The following WNT7B variants were observed in gnomAD, a reference collection of about 807,000 sequenced individuals.
The protein encoded by WNT7B is protein Wnt-7b.
Under a neutral mutation model 38.2 loss-of-function variants are expected in WNT7B, and 19 were observed. That is an observed-to-expected ratio of 0.50 (90% CI 0.35 to 0.73). WNT7B has a LOEUF of 0.73. WNT7B is among the 30% of genes least tolerant of loss of function. The pLI is 0.01. For missense variants in WNT7B, 423 were observed against 507.9 expected, an observed-to-expected ratio of 0.83 and a Z score of 1.61; for synonymous variants, 243 against 209.3, an observed-to-expected ratio of 1.16 and a Z score of -1.39.
chr22:45,952,899 C>T (rs1258754850), intron 1 of WNT7B, among the ~76,000 whole-genome samples: 1 of 152,238 alleles, frequency 6.6e-6, no homozygotes, highest in Non-Finnish European at 1.5e-5. Context: ...CTAGAGGCCT[C>T]ATGGGGTCTG....
At chr22:45,941,038 T>C (rs1931633289) in intron 2 of WNT7B, among the ~76,000 whole-genome samples, 2 of 152,094 alleles carry the variant, frequency 1.3e-5, no homozygotes, top group East Asian at 3.9e-4. Context: ...AGGTGTCACT[T>C]TGACTTACAT....
At chr22:45,971,254 G>A (rs1026151521) in intron 1 of WNT7B, among the ~76,000 whole-genome samples, 1 of 152,118 alleles carries the variant, frequency 6.6e-6, no homozygotes, top group Non-Finnish European at 1.5e-5. Context: ...GGAGGGGGAA[G>A]GGAAGAGAAG....
chr22:45,955,145 A>T (rs1281761636), intron 1 of WNT7B, among the ~76,000 whole-genome samples: 1 of 152,134 alleles, frequency 6.6e-6, no homozygotes, highest in Non-Finnish European at 1.5e-5. Flanking sequence ...GGCGGCTCCC[A>T]TGCAGCTGCC....
Position 45,970,570 on chromosome 22 carries a change from C to G in WNT7B, c.71+6114G>C, listed in dbSNP as rs61313351. Among the ~76,000 whole-genome samples, 580 of 152,016 alleles carry G rather than the reference C, an allele frequency of 3.8e-3. 2 individuals are homozygous for G. The highest frequency in any genetic ancestry group is 0.014 in the African/African-American group (563 of 41,430). On this transcript the variant is annotated intron_variant, in intron 1 of 3. Coordinates refer to ENST00000339464, the MANE Select transcript of WNT7B (RefSeq NM_058238.3). ...CCCACTTCCCTTGCCTCCACCTCCGCAGGACTCCTGGTCTCCCACCCCGGA... is the reference window on the plus strand; with the variant it reads ...CCCACTTCCCTTGCCTCCACCTCCGGAGGACTCCTGGTCTCCCACCCCGGA...
rs970844682 is a variant in WNT7B at position 45,920,386 on chromosome 22, T to C, written c.*2470A>G. 2.0e-5 allele frequency: 3 copies of C among 152,152 alleles called. No homozygotes were observed. Among genetic ancestry groups the C allele is most frequent in the Admixed American group, 2.0e-4 (3 of 15,274 alleles). 9.4% of individuals were successfully genotyped at this position (152,152 alleles called of 1,614,324 possible). On this transcript the variant is annotated 3_prime_UTR_variant, in exon 4 of 4. Coordinates refer to ENST00000339464, the MANE Select transcript of WNT7B (RefSeq NM_058238.3). ...CTCACTTTTCCGATTCCAGCTTTTA[T>C]TGGGCCGAGCACTCCCCTCCAGGGG...
chr22:45,925,893 A>C, intron 3 of WNT7B: 1 of 985,352 alleles, frequency 1.0e-6, no homozygotes, highest in Non-Finnish European at 1.2e-6. Flanking sequence ...CACGTGGTCT[A>C]GGCCCAAGCT....
rs746718643 is a variant in WNT7B at position 45,925,539 on chromosome 22, C to T, written c.571-2204G>A. 690 of 985,152 alleles carry T rather than the reference C, an allele frequency of 7.0e-4. 1 individual carries two copies. The highest frequency in any genetic ancestry group is 8.0e-4 in the Non-Finnish European group (665 of 829,876). 61.0% of individuals were successfully genotyped at this position (985,152 alleles called of 1,614,324 possible). ...AGCCTGGACTGCGTGTCTGGGCGAC[C>T]CCCAGAGAGTATATTGGGACCTCCT... On this transcript the variant is annotated intron_variant, in intron 3 of 3. Coordinates refer to ENST00000339464, the MANE Select transcript of WNT7B (RefSeq NM_058238.3).
intron 1 of WNT7B, among the ~76,000 whole-genome samples, chr22:45,956,687 G>A (rs985093677): frequency 1.3e-5 from 2 of 152,242 alleles, no homozygotes; most frequent in Non-Finnish European, 1.5e-5. Context: ...TAAAAAAAGT[G>A]TGGTCCATTC....
intron 2 of WNT7B, 82 bp from the exon 3 acceptor site, chr22:45,931,451 T>G: frequency 7.0e-7 from 1 of 1,434,324 alleles, no homozygotes; most frequent in Middle Eastern, 2.6e-4. Flanking sequence ...CGGGCCTCGA[T>G]CCACCTGCTG....
intron 1 of WNT7B, among the ~76,000 whole-genome samples, chr22:45,961,154 C>T (rs535301379): frequency 4.6e-5 from 7 of 152,300 alleles, no homozygotes; most frequent in East Asian, 1.9e-4. Context: ...CTGGGCGCGC[C>T]GGTGAGAAGG....
At chr22:45,972,061 G>A (rs894150475) in intron 1 of WNT7B, 1 of 505,150 alleles carries the variant, frequency 2.0e-6, no homozygotes, top group South Asian at 2.7e-5. Flanking sequence ...CCGCCCAGGG[G>A]CCTCGCTGCC....
intron 1 of WNT7B, among the ~76,000 whole-genome samples, chr22:45,950,763 C>T (rs963522252): frequency 6.6e-6 from 1 of 152,260 alleles, no homozygotes; most frequent in African/African-American, 2.4e-5. Flanking sequence ...CCCCCACCAC[C>T]CAACCAAAGG....
rs1932315416 is a variant in WNT7B, at chr22:45,966,527, G to A, written c.71+10157C>T. ...AGGGGTCATGGGATAGGACTCCAGG[G>A]GATGCTCACTCGGGCTCTTCTCCGT... On this transcript the variant is annotated intron_variant, in intron 1 of 3. Transcript: ENST00000339464. This position sits in a 1 kb window ranked among gnomAD's most constrained non-coding sequence, Gnocchi z 4.2. Among the ~76,000 whole-genome samples, 1 of 152,200 alleles carries A rather than the reference G, an allele frequency of 6.6e-6. No homozygotes were observed. Among genetic ancestry groups the A allele is most frequent in the Non-Finnish European group, 1.5e-5 (1 of 68,028 alleles).
chr22:45,941,926 G>T (rs1434920627), intron 2 of WNT7B, among the ~76,000 whole-genome samples: 2 of 152,204 alleles, frequency 1.3e-5, no homozygotes, highest in East Asian at 1.9e-4. Flanking sequence ...GGGGAGGACT[G>T]CTGGGGCTGA....
intron 1 of WNT7B, 147 bp from the exon 2 acceptor site, chr22:45,950,293 G>A: frequency 1.4e-6 from 1 of 711,274 alleles, no homozygotes; most frequent in Middle Eastern, 3.9e-4. Context: ...TGCCCTCAAG[G>A]GGCTGTTTCC....
intron 3 of WNT7B, among the ~76,000 whole-genome samples, chr22:45,929,635 TGCATCC>T (rs578075808): frequency 0.13 from 15,187 of 115,842 alleles, 839 homozygotes; most frequent in African/African-American, 0.17. Context: ...CTTCCATCCA[TGCATCC>T]ACTCATCCAT....
intron 1 of WNT7B, among the ~76,000 whole-genome samples, chr22:45,958,997 C>T (rs1251043802): frequency 3.9e-5 from 6 of 152,226 alleles, no homozygotes; most frequent in Non-Finnish European, 5.9e-5. Flanking sequence ...CAGGTCCGAG[C>T]CCCCATAGCT....
chr22:45,946,177 C>T (rs1223452823), intron 2 of WNT7B, among the ~76,000 whole-genome samples: 2 of 152,188 alleles, frequency 1.3e-5, no homozygotes, highest in African/African-American at 4.8e-5. Flanking sequence ...ACTGGTACTC[C>T]AGCCCTGCCC....
intron 1 of WNT7B, among the ~76,000 whole-genome samples, chr22:45,955,918 G>A (rs79102002): frequency 0.012 from 1,837 of 152,268 alleles, 32 homozygotes; most frequent in African/African-American, 0.04. Flanking sequence ...GCTTTGAGCC[G>A]GCCCCCTGTA....
Sources: gnomAD v4.1 joint callset for allele counts (sites outside exome capture counted in the v4.1 genomes callset) on GRCh38, gnomAD v4.1.1 for gene constraint, Gnocchi (gnomAD v3.1) non-coding constraint, MANE v1.5 for transcripts, NCBI Gene and HGNC (gene_info 2026-07-23, HGNC 2026-07-21) for gene names.